Variants in RPS6KC1 observed in about 807,000 individuals in gnomAD.
RPS6KC1 encodes ribosomal protein S6 kinase C1, also known as inactive ribosomal protein S6 kinase delta-1.
Under a neutral mutation model 103.8 loss-of-function variants are expected in RPS6KC1, and 54 were observed. That is an observed-to-expected ratio of 0.52 (90% CI 0.42 to 0.65). RPS6KC1 has a LOEUF of 0.65. Ranked by LOEUF, RPS6KC1 falls within the 30% of genes least tolerant of loss-of-function variation. RPS6KC1 has a pLI of 0.00. For missense variants in RPS6KC1, 1,151 were observed against 1,253.8 expected (o/e 0.92, Z 1.24); for synonymous variants, 439 against 438.7 (o/e 1.00, Z -0.01).
chr1:213,800,731 A>G, the RPS6KC1 span, among the ~76,000 whole-genome samples: 1 of 152,120 alleles, frequency 6.6e-6, no homozygotes, highest in Non-Finnish European at 1.5e-5. Context: ...ACATTAAACA[A>G]TCTCATATTC....
At chr1:213,310,047 A>G in the RPS6KC1 span, among the ~76,000 whole-genome samples, 1 of 151,970 alleles carries the variant, frequency 6.6e-6, no homozygotes, top group Admixed American at 6.6e-5. Context: ...CCCTCTTTCA[A>G]TGTATACCTG....
the RPS6KC1 span, among the ~76,000 whole-genome samples, chr1:213,644,602 T>C: frequency 6.6e-6 from 1 of 151,986 alleles, no homozygotes; most frequent in East Asian, 1.9e-4. Flanking sequence ...CAGAATCTCA[T>C]ATAGTTGGAA....
chr1:213,183,552 G>A (rs2092386888), intron 8 of RPS6KC1, among the ~76,000 whole-genome samples: 2 of 148,082 alleles, frequency 1.4e-5, no homozygotes, highest in Admixed American at 1.4e-4. Flanking sequence ...AGTAATTCAT[G>A]GGTTGAAGAA....
At chr1:213,055,885 C>G (rs1015657646) in intron 1 of RPS6KC1, among the ~76,000 whole-genome samples, 1 of 152,120 alleles carries the variant, frequency 6.6e-6, no homozygotes, top group African/African-American at 2.4e-5. Flanking sequence ...AGGATACAGT[C>G]TTGCACATGT....
the RPS6KC1 span, among the ~76,000 whole-genome samples, chr1:213,422,802 A>G: frequency 6.6e-6 from 1 of 152,226 alleles, no homozygotes; most frequent in Non-Finnish European, 1.5e-5. Flanking sequence ...TTGACACCAT[A>G]TTACACCTGC....
At chr1:213,595,524 C>G in the RPS6KC1 span, among the ~76,000 whole-genome samples, 1 of 152,190 alleles carries the variant, frequency 6.6e-6, no homozygotes, top group Non-Finnish European at 1.5e-5. Flanking sequence ...GAGAAAGAAG[C>G]AGACAGGCAC....
the RPS6KC1 span, among the ~76,000 whole-genome samples, chr1:213,692,729 A>C: frequency 6.6e-6 from 1 of 152,188 alleles, no homozygotes; most frequent in Non-Finnish European, 1.5e-5. Flanking sequence ...TTTGCCTCTT[A>C]ATGCACATGC....
chr1:213,339,930 C>T, the RPS6KC1 span, among the ~76,000 whole-genome samples: 4 of 151,916 alleles, frequency 2.6e-5, no homozygotes, highest in Non-Finnish European at 5.9e-5. Flanking sequence ...CTTGCTCTGT[C>T]GCCTTAGGCT....
intron 2 of RPS6KC1, among the ~76,000 whole-genome samples, chr1:213,075,238 C>T (rs1349559435): frequency 6.6e-6 from 1 of 152,090 alleles, no homozygotes; most frequent in Non-Finnish European, 1.5e-5. Flanking sequence ...ATGACCTTAA[C>T]CTTACGTAAT....
intron 7 of RPS6KC1, among the ~76,000 whole-genome samples, chr1:213,170,979 C>G (rs1427236846): frequency 6.6e-6 from 1 of 152,166 alleles, no homozygotes; most frequent in African/African-American, 2.4e-5. Flanking sequence ...ACATTTCTTT[C>G]TAGCCTGGTT....
At chr1:213,825,527 G>T in the RPS6KC1 span, among the ~76,000 whole-genome samples, 2 of 152,306 alleles carry the variant, frequency 1.3e-5, no homozygotes, top group Non-Finnish European at 2.9e-5. Flanking sequence ...CTACAAGGGG[G>T]TTAATGCCAG....
the RPS6KC1 span, among the ~76,000 whole-genome samples, chr1:213,810,746 A>T: frequency 6.6e-6 from 1 of 152,222 alleles, no homozygotes; most frequent in African/African-American, 2.4e-5. Context: ...GCCTGAACTC[A>T]TTTATTTTTG....
At chr1:213,115,547 A>G (rs979715099) in intron 4 of RPS6KC1, among the ~76,000 whole-genome samples, 1 of 151,652 alleles carries the variant, frequency 6.6e-6, no homozygotes, top group Non-Finnish European at 1.5e-5. Context: ...TTGTATCTCT[A>G]TTTCCTTCAG....
At chr1:213,457,544 G>A in the RPS6KC1 span, among the ~76,000 whole-genome samples, 1 of 152,286 alleles carries the variant, frequency 6.6e-6, no homozygotes, top group East Asian at 1.9e-4. Context: ...GGTTGACTGG[G>A]CAACCCACTT....
chr1:213,139,745 A>G (rs1274511170), intron 6 of RPS6KC1, among the ~76,000 whole-genome samples: 1 of 152,040 alleles, frequency 6.6e-6, no homozygotes, highest in Non-Finnish European at 1.5e-5. Flanking sequence ...TTGTTACTAT[A>G]GCCTTGTAGT....
the RPS6KC1 span, among the ~76,000 whole-genome samples, chr1:213,738,454 G>A: frequency 5.3e-5 from 8 of 152,266 alleles, no homozygotes; most frequent in East Asian, 3.9e-4. Flanking sequence ...TTAGAAAGCC[G>A]CTGACTAGAG....
the RPS6KC1 span, among the ~76,000 whole-genome samples, chr1:213,733,517 G>A: frequency 4.8e-3 from 713 of 149,314 alleles, 8 homozygotes; most frequent in Non-Finnish European, 7.3e-3. Context: ...GATTGCAGGC[G>A]TGAGCCACTA....
At chr1:213,555,147 A>G in the RPS6KC1 span, among the ~76,000 whole-genome samples, 1 of 152,194 alleles carries the variant, frequency 6.6e-6, no homozygotes, top group South Asian at 2.1e-4. Flanking sequence ...TGTTTTAAGG[A>G]CAGTTTACCC....
chr1:213,458,760 T>C, the RPS6KC1 span, among the ~76,000 whole-genome samples: 4 of 152,162 alleles, frequency 2.6e-5, no homozygotes, highest in Admixed American at 2.6e-4. Context: ...CATAAATAGC[T>C]CTTATTATTT....
Sources: allele counts gnomAD v4.1 joint callset (sites outside exome capture counted in the v4.1 genomes callset), GRCh38; gene constraint gnomAD v4.1.1; transcripts MANE v1.5; gene names NCBI Gene and HGNC (gene_info 2026-07-23, HGNC 2026-07-21).